Variants in EEFSEC observed in about 807,000 individuals in gnomAD.
EEFSEC encodes eukaryotic elongation factor, selenocysteine-tRNA specific.
A neutral mutation model predicts 42.1 loss-of-function variants in EEFSEC; 43 were observed. The ratio of observed to expected loss-of-function variants is 1.02; its 90% CI spans 0.80 to 1.32. EEFSEC has a LOEUF of 1.32. Among genes scored for constraint, EEFSEC ranks in the 40% most tolerant of loss-of-function variants. The pLI is 0.00. For missense variants in EEFSEC, 745 were observed against 803.6 expected (o/e 0.93, Z 0.88); for synonymous variants, 354 against 339.1 (o/e 1.04, Z -0.48).
At chr3:128,338,838 G>A (rs2067219315) in intron 4 of EEFSEC, among the ~76,000 whole-genome samples, 1 of 152,168 alleles carries the variant, frequency 6.6e-6, no homozygotes. Flanking sequence ...CCATCACAGG[G>A]AGTCCCCATA....
chr3:128,317,349 C>T lies in EEFSEC; in HGVS notation c.787-23884C>T, dbSNP rs1576632242. On this transcript the variant is annotated intron_variant, in intron 4 of 6. Transcript: ENST00000254730. The surrounding 1 kb of genome is among the most constrained non-coding windows in gnomAD (Gnocchi z 4.1). ...ACTTGTAAGCCTGGCCTGTTCTCCG[C>T]CCCGCTGCTGGAGCTCAGACGCTCA... Among the ~76,000 whole-genome samples, 1 of 152,336 alleles carries T rather than the reference C, an allele frequency of 6.6e-6. No homozygotes were observed. The highest frequency in any genetic ancestry group is 1.9e-4 in the East Asian group (1 of 5,182).
intron 1 of EEFSEC, among the ~76,000 whole-genome samples, chr3:128,178,090 A>C (rs2065369600): frequency 6.6e-6 from 1 of 152,226 alleles, no homozygotes. Flanking sequence ...TACCATAATA[A>C]ATGCAAGTTC....
At chr3:128,199,707 A>G (rs547280703) in intron 1 of EEFSEC, among the ~76,000 whole-genome samples, 152 of 152,288 alleles carry the variant, frequency 1.0e-3, no homozygotes, top group African/African-American at 3.4e-3. Flanking sequence ...CTCCCTGCAA[A>G]AAAGTCATAC....
chr3:128,175,866 G>A (rs2065343120), intron 1 of EEFSEC, among the ~76,000 whole-genome samples: 1 of 152,310 alleles, frequency 6.6e-6, no homozygotes, highest in African/African-American at 2.4e-5. Context: ...CCATAGCTGT[G>A]CTCAGTTAAG....
chr3:128,311,245 C>T (rs1169412742), intron 4 of EEFSEC, among the ~76,000 whole-genome samples: 1 of 152,178 alleles, frequency 6.6e-6, no homozygotes, highest in Non-Finnish European at 1.5e-5. Context: ...ACTGTGGACC[C>T]ATGTGAAGTG....
intron 4 of EEFSEC, among the ~76,000 whole-genome samples, chr3:128,328,152 A>G (rs2067085965): frequency 6.6e-6 from 1 of 152,240 alleles, no homozygotes; most frequent in Non-Finnish European, 1.5e-5. Context: ...TAGAAGTTAC[A>G]GAACTTGCCC....
chr3:128,316,003 T>G (rs2066940785), intron 4 of EEFSEC, among the ~76,000 whole-genome samples: 1 of 152,238 alleles, frequency 6.6e-6, no homozygotes, highest in Non-Finnish European at 1.5e-5. Context: ...TCTTAATTAT[T>G]ATGCAAGTAG....
chr3:128,386,662 G>A (rs962454590), intron 6 of EEFSEC, among the ~76,000 whole-genome samples: 6 of 152,176 alleles, frequency 3.9e-5, no homozygotes, highest in East Asian at 1.9e-4. Context: ...TATGGCACCC[G>A]TATCTGCTTC....
At chr3:128,271,594 T>G (rs983041547) in intron 4 of EEFSEC, among the ~76,000 whole-genome samples, 7 of 152,136 alleles carry the variant, frequency 4.6e-5, no homozygotes, top group African/African-American at 7.2e-5. Context: ...AGGAAGGTTT[T>G]GGGAAAGCCA....
At chr3:128,359,299 T>G (rs1576669714) in intron 6 of EEFSEC, among the ~76,000 whole-genome samples, 1 of 152,084 alleles carries the variant, frequency 6.6e-6, no homozygotes, top group Non-Finnish European at 1.5e-5. Context: ...CAGAGAGGTG[T>G]GCAGGACATA....
At chr3:128,264,589 G>T in intron 3 of EEFSEC, 28 bp from the exon 4 acceptor site, 1 of 1,610,308 alleles carries the variant, frequency 6.2e-7, no homozygotes, top group South Asian at 1.1e-5. Context: ...TCTCCCCACG[G>T]ACTGTGGCAC....
intron 2 of EEFSEC, among the ~76,000 whole-genome samples, chr3:128,251,803 A>T (rs2107908546): frequency 6.6e-6 from 1 of 152,258 alleles, no homozygotes; most frequent in East Asian, 1.9e-4. Flanking sequence ...TTATGTAGTC[A>T]AACTCTTTGT....
At chr3:128,403,338 AG>A (rs1267833366) in intron 6 of EEFSEC, among the ~76,000 whole-genome samples, 2 of 152,178 alleles carry the variant, frequency 1.3e-5, no homozygotes, top group Non-Finnish European at 2.9e-5. Flanking sequence ...GCTGTGAGCC[AG>A]GGGCAAGCAG....
rs35594175 is a variant in EEFSEC, at chr3:128,250,911, GT to G, written c.524+3886del. 5.6e-3 allele frequency among the ~76,000 whole-genome samples: 604 copies of G among 108,576 alleles called. 9 individuals carry two copies. Among genetic ancestry groups the G allele is most frequent in the African/African-American group, 0.018 (519 of 28,654 alleles). 71.2% of individuals were successfully genotyped at this position (108,576 alleles called of 152,430 possible). A position where few individuals can be genotyped will look rare whatever the true frequency, so the allele number is the denominator to read the frequency against. ...TTTAAGTCATCTTTAGTTTTTTTTG[GT>G]TTTTTTTTTTTTTTTTTAGCAATGT... On this transcript the variant is annotated intron_variant, in intron 2 of 6. Transcript: ENST00000254730.
Position 128,358,382 on chromosome 3 carries a change from A to G in EEFSEC, c.1600+9A>G, listed in dbSNP as rs369222695. ...CAAGATCCACATCCCAGGTAAGTGC[A>G]GCCACTTCCTCCCGGTTTAGGGACA... On this transcript the variant is annotated intron_variant, in intron 6 of 6. Transcript: ENST00000254730. 107 of 1,613,880 alleles carry G rather than the reference A, an allele frequency of 6.6e-5. No individual in the cohort carries two copies. The highest frequency in any genetic ancestry group is 8.6e-5 in the Non-Finnish European group (101 of 1,179,852).
intron 1 of EEFSEC, among the ~76,000 whole-genome samples, chr3:128,202,748 C>A (rs2065655956): frequency 6.6e-6 from 1 of 152,148 alleles, no homozygotes; most frequent in African/African-American, 2.4e-5. Context: ...GGTGACAAAT[C>A]ATTTCATATT....
intron 2 of EEFSEC, among the ~76,000 whole-genome samples, chr3:128,258,752 T>TA (rs1191251725): frequency 1.5e-4 from 23 of 152,358 alleles, no homozygotes; most frequent in African/African-American, 5.3e-4. Context: ...GTTTGAGAAC[T>TA]AAAATTACAT....
chr3:128,323,990 G>C (rs548620149), intron 4 of EEFSEC, among the ~76,000 whole-genome samples: 156 of 152,320 alleles, frequency 1.0e-3, no homozygotes, highest in South Asian at 1.9e-3. Context: ...TGAAGGGGCG[G>C]TGGGCTCCCC....
At chr3:128,240,727 C>G (rs1420049341) in intron 1 of EEFSEC, among the ~76,000 whole-genome samples, 1 of 152,250 alleles carries the variant, frequency 6.6e-6, no homozygotes, top group Non-Finnish European at 1.5e-5. Flanking sequence ...TGAAGTCTTG[C>G]TGCCTTCCCA....
Sources: gnomAD v4.1 joint callset for allele counts (sites outside exome capture counted in the v4.1 genomes callset) on GRCh38, gnomAD v4.1.1 for gene constraint, Gnocchi (gnomAD v3.1) non-coding constraint, MANE v1.5 for transcripts, NCBI Gene and HGNC (gene_info 2026-07-23, HGNC 2026-07-21) for gene names.